Variants in GLG1 observed in about 807,000 individuals in gnomAD.
GLG1 encodes the protein golgi glycoprotein 1, also known as Golgi apparatus protein 1.
In GLG1, 38 loss-of-function variants were observed where a neutral mutation model predicts 160.5. That is an observed-to-expected ratio of 0.24 (90% CI 0.18 to 0.31). GLG1 has a LOEUF of 0.31. Ranked by LOEUF, GLG1 falls within the 10% of genes least tolerant of loss-of-function variation. The pLI, the probability that GLG1 is intolerant of heterozygous loss-of-function variation, is 1.00. For synonymous variants in GLG1, 644 were observed against 543.4 expected, an observed-to-expected ratio of 1.19 and a Z score of -2.57; for missense variants, 1,373 against 1,505.2, an observed-to-expected ratio of 0.91 and a Z score of 1.45.
chr16:74,468,784 A>G, intron 17 of GLG1, 162 bp downstream of exon 17: 1 of 617,046 alleles, frequency 1.6e-6, no homozygotes, highest in African/African-American at 1.8e-5. Flanking sequence ...CAAAAGAATG[A>G]CACAGGAAGC....
At chr16:74,567,010 T>C (rs1460747362) in intron 1 of GLG1, among the ~76,000 whole-genome samples, 1 of 152,136 alleles carries the variant, frequency 6.6e-6, no homozygotes, top group Non-Finnish European at 1.5e-5. Context: ...GTTGCAAAAC[T>C]ATAGGAAGCT....
chr16:74,563,581 G>A (rs2018566231), intron 1 of GLG1, among the ~76,000 whole-genome samples: 1 of 152,080 alleles, frequency 6.6e-6, no homozygotes, highest in Admixed American at 6.5e-5. Flanking sequence ...ACAAAAATTA[G>A]CGGGGCGTGG....
At chr16:74,595,272 T>C (rs1049769485) in intron 1 of GLG1, among the ~76,000 whole-genome samples, 1 of 151,672 alleles carries the variant, frequency 6.6e-6, no homozygotes, top group Non-Finnish European at 1.5e-5. Context: ...GTGTGGTGGC[T>C]CACGCCTGTA....
chr16:74,546,513 T>C (rs1438807128), intron 1 of GLG1, among the ~76,000 whole-genome samples: 2 of 152,038 alleles, frequency 1.3e-5, no homozygotes, highest in African/African-American at 2.4e-5. Flanking sequence ...GTGTAGGCCA[T>C]AAACAAAGGT....
intron 8 of GLG1, among the ~76,000 whole-genome samples, chr16:74,489,607 G>A (rs545752617): frequency 6.6e-6 from 1 of 152,158 alleles, no homozygotes; most frequent in South Asian, 2.1e-4. Context: ...CTGGCACAGA[G>A]GTTTCCCAAG....
chr16:74,543,061 T>C (rs903764232), intron 1 of GLG1, among the ~76,000 whole-genome samples: 2 of 151,834 alleles, frequency 1.3e-5, no homozygotes. Flanking sequence ...TACTGACCCG[T>C]GGTGAGTGCA....
chr16:74,501,058 A>G (rs1337061238), intron 4 of GLG1, among the ~76,000 whole-genome samples: 1 of 152,256 alleles, frequency 6.6e-6, no homozygotes, highest in Admixed American at 6.5e-5. Context: ...CTTCAGTGGC[A>G]GCAAATTTGA....
intron 2 of GLG1, among the ~76,000 whole-genome samples, chr16:74,517,159 T>C (rs1370936851): frequency 6.6e-6 from 1 of 152,154 alleles, no homozygotes; most frequent in African/African-American, 2.4e-5. Context: ...TCTGAAACTA[T>C]TCCAATCAAT....
intron 13 of GLG1, among the ~76,000 whole-genome samples, chr16:74,473,972 AAC>A (rs2015309647): frequency 6.6e-6 from 1 of 151,056 alleles, no homozygotes; most frequent in Non-Finnish European, 1.5e-5. Flanking sequence ...TTTTTTTTGA[AAC>A]ACAGTCTCCC....
At chr16:74,467,303 A>G (rs1445561139) in intron 18 of GLG1, among the ~76,000 whole-genome samples, 1 of 152,120 alleles carries the variant, frequency 6.6e-6, no homozygotes, top group African/African-American at 2.4e-5. Context: ...TATGTACTTC[A>G]CTCCTGACAA....
At chr16:74,467,979 C>A in intron 17 of GLG1, 131 bp from the exon 18 acceptor site, 1 of 595,206 alleles carries the variant, frequency 1.7e-6, no homozygotes, top group Non-Finnish European at 3.0e-6. Context: ...CGCCTTGCAG[C>A]AAGAGAATCA....
At chr16:74,560,409 C>A (rs569949703) in intron 1 of GLG1, among the ~76,000 whole-genome samples, 3 of 145,690 alleles carry the variant, frequency 2.1e-5, no homozygotes, top group Non-Finnish European at 3.0e-5. Context: ...CTCACTGCAA[C>A]CTCCGTCTTC....
intron 4 of GLG1, among the ~76,000 whole-genome samples, chr16:74,499,045 T>C (rs2016314924): frequency 6.6e-6 from 1 of 152,040 alleles, no homozygotes; most frequent in Admixed American, 6.6e-5. Context: ...CTAACACACA[T>C]ATGAAGAAAG....
At chr16:74,584,226 T>C (rs1356145586) in intron 1 of GLG1, among the ~76,000 whole-genome samples, 1 of 152,178 alleles carries the variant, frequency 6.6e-6, no homozygotes, top group East Asian at 1.9e-4. Context: ...CAGCCAGCTT[T>C]GACAAGAACA....
intron 1 of GLG1, among the ~76,000 whole-genome samples, chr16:74,562,159 T>C (rs1177554390): frequency 6.6e-6 from 1 of 152,238 alleles, no homozygotes; most frequent in Non-Finnish European, 1.5e-5. Flanking sequence ...CCAGTGATAG[T>C]GGTACTTGTT....
At chr16:74,568,309 T>C (rs1223276956) in intron 1 of GLG1, among the ~76,000 whole-genome samples, 1 of 152,182 alleles carries the variant, frequency 6.6e-6, no homozygotes, top group Non-Finnish European at 1.5e-5. Context: ...AAGGACTTCC[T>C]ATTACTATAA....
chr16:74,471,705 C>A (rs114919402), intron 14 of GLG1, among the ~76,000 whole-genome samples: 80 of 152,290 alleles, frequency 5.3e-4, no homozygotes, highest in African/African-American at 1.9e-3. Flanking sequence ...GCCACTATTA[C>A]TGCTAACAAT....
At chr16:74,604,544 T>C (rs1053697121) in intron 1 of GLG1, among the ~76,000 whole-genome samples, 1 of 152,270 alleles carries the variant, frequency 6.6e-6, no homozygotes, top group Non-Finnish European at 1.5e-5. Flanking sequence ...TTCCCTGCAT[T>C]TGCATGCAAA....
chr16:74,499,105 G>A (rs1458493013), intron 4 of GLG1, among the ~76,000 whole-genome samples: 3 of 152,096 alleles, frequency 2.0e-5, no homozygotes, highest in African/African-American at 7.2e-5. Context: ...AGGCTCAGAG[G>A]AGTTAACTAA....
Sources: allele counts gnomAD v4.1 joint callset (sites outside exome capture counted in the v4.1 genomes callset), GRCh38; gene constraint gnomAD v4.1.1; transcripts MANE v1.5; gene names NCBI Gene and HGNC (gene_info 2026-07-23, HGNC 2026-07-21).